Variants in N4BP2 observed in about 807,000 individuals in gnomAD.
N4BP2 encodes the protein NEDD4 binding protein 2, also known as NEDD4-binding protein 2.
In N4BP2, 91 loss-of-function variants were observed where a neutral mutation model predicts 152.8. That is an observed-to-expected ratio of 0.60 (90% confidence interval 0.50 to 0.71). N4BP2 has a LOEUF of 0.71. Among genes scored for constraint, N4BP2 ranks in the 30% least tolerant of loss-of-function variants. The probability of loss-of-function intolerance (pLI) is 0.00; values close to 1 mark genes in which losing one functional copy is unlikely to be tolerated. For missense variants in N4BP2, 1,923 were observed against 2,059.1 expected (o/e 0.93, Z 1.28); for synonymous variants, 646 against 705.3 (o/e 0.92, Z 1.33).
chr4:40,099,314 C>T (rs1421904807), intron 3 of N4BP2, among the ~76,000 whole-genome samples: 1 of 152,206 alleles, frequency 6.6e-6, no homozygotes, highest in Non-Finnish European at 1.5e-5. Context: ...GCCATCTTGG[C>T]TCATGGCAAC....
the N4BP2 span, among the ~76,000 whole-genome samples, chr4:40,190,163 T>C: frequency 1.3e-5 from 2 of 152,232 alleles, no homozygotes; most frequent in African/African-American, 4.8e-5. Context: ...GTCTTCCTAA[T>C]ACGTAGATAT....
chr4:40,162,349 A>G (rs1296265488), downstream of N4BP2, among the ~76,000 whole-genome samples: 1 of 152,072 alleles, frequency 6.6e-6, no homozygotes, highest in East Asian at 1.9e-4. Context: ...TAAAAATACA[A>G]AAATTAGCAG....
At position 40,120,307 on chromosome 4, in the gene N4BP2, T is replaced by C. The variant is rs779480447; in HGVS notation, c.2196T>C (p.Asn732=). 1 of 1,612,562 alleles carries C rather than the reference T, an allele frequency of 6.2e-7. No homozygotes were observed. Among genetic ancestry groups the C allele is most frequent in the Admixed American group, 1.7e-5 (1 of 59,506 alleles). Residue 732 remains asparagine (N), a synonymous_variant, in exon 9 of 18, where the codon AAT becomes AAC. Transcript: ENST00000261435. ...CACCTAGTACTTGCTGTAGTGAAAA[T>C]AATCAAGAAGACTGTGATCTTGCAA... is the stretch of plus-strand genomic sequence containing the variant. ...RVSPSTCCSE[N]NQEDCDLANS...
At chr4:40,116,841 A>G (rs538127521) in intron 7 of N4BP2, among the ~76,000 whole-genome samples, 80 of 152,126 alleles carry the variant, frequency 5.3e-4, no homozygotes, top group Non-Finnish European at 8.4e-4. Context: ...TTTGCTGGAT[A>G]TGTATATTCT....
At chr4:40,114,173 T>G (rs143706188) in intron 7 of N4BP2, among the ~76,000 whole-genome samples, 259 of 152,318 alleles carry the variant, frequency 1.7e-3, no homozygotes, top group African/African-American at 5.8e-3. Context: ...GATGTACAGT[T>G]TGTTTTGCTT....
At chr4:40,149,628 C>T (rs1720952361) in intron 16 of N4BP2, among the ~76,000 whole-genome samples, 1 of 152,176 alleles carries the variant, frequency 6.6e-6, no homozygotes, top group African/African-American at 2.4e-5. Context: ...GGCTCAGTGG[C>T]TCATGCCTGT....
chr4:40,160,728 A>G (rs1029356845), downstream of N4BP2, among the ~76,000 whole-genome samples: 1 of 152,236 alleles, frequency 6.6e-6, no homozygotes, highest in African/African-American at 2.4e-5. Context: ...AAGATTCCAG[A>G]TGAAAATACT....
chr4:40,175,807 GAAAAAAAAAAAA>G, the N4BP2 span, among the ~76,000 whole-genome samples: 4 of 64,012 alleles, frequency 6.2e-5, no homozygotes, highest in African/African-American at 2.1e-4. Context: ...CTCGTCTCAA[GAAAAAAAAAAAA>G]AAAAAAAAGG....
the N4BP2 span, among the ~76,000 whole-genome samples, chr4:40,168,529 G>A: frequency 5.9e-5 from 9 of 151,712 alleles, no homozygotes; most frequent in Admixed American, 2.6e-4. Context: ...ATATCATAAA[G>A]ATATAAATCA....
intron 2 of N4BP2, among the ~76,000 whole-genome samples, chr4:40,080,888 G>T (rs753088903): frequency 6.8e-6 from 1 of 147,702 alleles, no homozygotes. Flanking sequence ...GGATGGTCTC[G>T]ATCTCCTGAT....
chr4:40,181,424 T>C, the N4BP2 span, among the ~76,000 whole-genome samples: 1 of 152,138 alleles, frequency 6.6e-6, no homozygotes, highest in African/African-American at 2.4e-5. Context: ...TTAGATTAAA[T>C]TGTATGTGAC....
intron 2 of N4BP2, among the ~76,000 whole-genome samples, chr4:40,075,837 G>A (rs567914564): frequency 4.0e-5 from 6 of 151,460 alleles, no homozygotes; most frequent in Non-Finnish European, 8.8e-5. Context: ...TTTTTTGTTT[G>A]TTTGTTTGAG....
chr4:40,184,937 C>T, the N4BP2 span, among the ~76,000 whole-genome samples: 12 of 151,716 alleles, frequency 7.9e-5, no homozygotes, highest in Non-Finnish European at 1.5e-5. Flanking sequence ...GCCTGGGCAA[C>T]AGAGCAAGAC....
At position 40,111,614 on chromosome 4, in the gene N4BP2, C is replaced by T. The variant is rs182716667; in HGVS notation, c.1499-470C>T. ...GATTACAGGCATGAGCCACCGCGCCCGGCCTTGTTTTGTATTTTTTAGGCA... is the reference window on the plus strand; with the variant it reads ...GATTACAGGCATGAGCCACCGCGCCTGGCCTTGTTTTGTATTTTTTAGGCA... On this transcript the variant is annotated intron_variant, in intron 5 of 17. Coordinates refer to ENST00000261435, the MANE Select transcript of N4BP2 (RefSeq NM_018177.6). Among the ~76,000 whole-genome samples, 14 of 151,648 alleles carry T rather than the reference C, an allele frequency of 9.2e-5. No individual in the cohort carries two copies. The South Asian group carries it at 1.3e-3, about 14-fold the overall frequency.
chr4:40,145,156 G>C (rs1720397553), intron 16 of N4BP2, among the ~76,000 whole-genome samples: 1 of 151,680 alleles, frequency 6.6e-6, no homozygotes, highest in Non-Finnish European at 1.5e-5. Context: ...CAATTTTTCA[G>C]TAGATGCTTG....
At chr4:40,114,005 T>G (rs1295608070) in intron 7 of N4BP2, among the ~76,000 whole-genome samples, 1 of 152,214 alleles carries the variant, frequency 6.6e-6, no homozygotes, top group Non-Finnish European at 1.5e-5. Flanking sequence ...AGCTGCTTAG[T>G]GATTTAGAGC....
At chr4:40,158,721 C>T (rs900075272), downstream of N4BP2, among the ~76,000 whole-genome samples, 5 of 151,248 alleles carry the variant, frequency 3.3e-5, no homozygotes, top group Admixed American at 6.6e-5. Flanking sequence ...TGCGATGAGG[C>T]GAGATTGTGC....
chr4:40,143,909 A>G (rs1720276678), intron 15 of N4BP2, among the ~76,000 whole-genome samples: 1 of 152,126 alleles, frequency 6.6e-6, no homozygotes, highest in Non-Finnish European at 1.5e-5. Context: ...TCACAGTCAT[A>G]GAGGTGGAGA....
chr4:40,177,910 A>T, the N4BP2 span, among the ~76,000 whole-genome samples: 1 of 152,210 alleles, frequency 6.6e-6, no homozygotes, highest in Non-Finnish European at 1.5e-5. Flanking sequence ...CCTTTGAATA[A>T]AATAGTCTCA....
Sources: allele counts gnomAD v4.1 joint callset (sites outside exome capture counted in the v4.1 genomes callset), GRCh38; gene constraint gnomAD v4.1.1; transcripts MANE v1.5; gene names NCBI Gene and HGNC (gene_info 2026-07-23, HGNC 2026-07-21).